The following NECAP2 variants were observed in gnomAD, a reference collection of about 807,000 sequenced individuals.
NECAP2 encodes adaptin ear-binding coat-associated protein 2.
NECAP2 carries 38 observed loss-of-function variants against 37.8 expected under a neutral mutation model. That is an observed-to-expected ratio of 1.01 (90% confidence interval 0.78 to 1.32). The LOEUF (loss-of-function observed/expected upper bound fraction) is 1.32. Among genes scored for constraint, NECAP2 ranks in the 40% most tolerant of loss-of-function variants. The pLI, the probability that NECAP2 is intolerant of heterozygous loss-of-function variation, is 0.00. For synonymous variants in NECAP2, 121 were observed against 127.7 expected (o/e 0.95, Z 0.35); for missense variants, 316 against 334.5 (o/e 0.94, Z 0.43).
intron 7 of NECAP2, among the ~76,000 whole-genome samples, chr1:16,457,707 GTTT>G (rs56863489): frequency 1.9e-5 from 2 of 105,454 alleles, no homozygotes; most frequent in Non-Finnish European, 1.9e-5. Flanking sequence ...TAGTAATTCT[GTTT>G]TTTTTTTTTT....
chr1:16,440,885 C>T lies in NECAP2; in HGVS notation c.92+32C>T, dbSNP rs896687296. 2.5e-6 allele frequency: 4 copies of T among 1,577,152 alleles called. No homozygotes were observed. In the African/African-American group the frequency reaches 5.4e-5, roughly 21 times the overall value. ...ACCCACCGCCAGACCAGGCTAGCTCCAATTTAACCCTTTCTCCGCCACCCG... is the reference window on the plus strand; with the variant it reads ...ACCCACCGCCAGACCAGGCTAGCTCTAATTTAACCCTTTCTCCGCCACCCG... On this transcript the variant is annotated intron_variant, in intron 1 of 7. Transcript: ENST00000337132.
intron 4 of NECAP2, 123 bp from the exon 5 acceptor site, chr1:16,448,970 C>T (rs966554030): frequency 7.7e-5 from 50 of 647,036 alleles, no homozygotes; most frequent in Non-Finnish European, 4.4e-5. Flanking sequence ...GCACTCTTTC[C>T]AGCACCCCGT....
At position 16,440,776 on chromosome 1, in the gene NECAP2, G is replaced by A; in HGVS notation, c.15G>A (p.Gly5=). The A allele has an allele frequency of 6.2e-7, 1 of 1,614,108 alleles. No homozygotes were observed. The highest frequency in any genetic ancestry group is 1.3e-5 in the African/African-American group (1 of 75,064). Residue 5 remains glycine, a synonymous_variant, in exon 1 of 8, where the codon GGG becomes GGA. Coordinates refer to ENST00000337132, the MANE Select transcript of NECAP2 (RefSeq NM_018090.5). The part of the protein sequence containing the change: MEES[G]YESVLCVKPD... ...CAGGCGTCGCGATGGAGGAGAGCGGGTACGAGTCGGTGCTCTGTGTCAAGC... is the reference window on the plus strand; with the variant it reads ...CAGGCGTCGCGATGGAGGAGAGCGGATACGAGTCGGTGCTCTGTGTCAAGC...
chr1:16,453,373 T>C (rs1179182377), intron 6 of NECAP2, among the ~76,000 whole-genome samples: 3 of 152,044 alleles, frequency 2.0e-5, no homozygotes, highest in Admixed American at 2.0e-4. Context: ...CCTCCCAAAG[T>C]GCTAGGACTA....
chr1:16,457,272 A>G lies in NECAP2; in HGVS notation c.743+1379A>G, dbSNP rs536614370. On this transcript the variant is annotated intron_variant, in intron 7 of 7. Transcript: ENST00000337132. ...GGAGTTCAAGACCAGCCTGGCCAACATGGTCAAACCCCATCTCTACTAAAT... is the reference window on the plus strand; with the variant it reads ...GGAGTTCAAGACCAGCCTGGCCAACGTGGTCAAACCCCATCTCTACTAAAT... Among the ~76,000 whole-genome samples the G allele has an allele frequency of 4.6e-5, 7 of 152,216 alleles. No homozygotes were observed. The South Asian group carries it at 8.3e-4, about 18-fold the overall frequency.
chr1:16,454,922 G>A (rs1458873124), intron 6 of NECAP2, among the ~76,000 whole-genome samples: 1 of 152,222 alleles, frequency 6.6e-6, no homozygotes, highest in Non-Finnish European at 1.5e-5. Context: ...CTATGGAGTA[G>A]TTCCTGTTAT....
At chr1:16,449,418 A>G (rs565520457) in intron 5 of NECAP2, 2 of 507,366 alleles carry the variant, frequency 3.9e-6, no homozygotes, top group Admixed American at 3.7e-5. Context: ...TGATAACAAC[A>G]TGGCAGGAAA....
At chr1:16,445,529 T>G (rs1040341254) in intron 2 of NECAP2, among the ~76,000 whole-genome samples, 1 of 151,970 alleles carries the variant, frequency 6.6e-6, no homozygotes, top group African/African-American at 2.4e-5. Context: ...CTTGGTGAGG[T>G]TGGAACACAA....
intron 7 of NECAP2, 131 bp downstream of exon 7, chr1:16,456,024 CTTT>C (rs56097788): frequency 6.8e-3 from 3,214 of 473,080 alleles, no homozygotes; most frequent in Middle Eastern, 9.9e-3. Context: ...GTTTTCTTTT[CTTT>C]TTTTTTTTTT....
chr1:16,443,689 A>G lies in NECAP2; in HGVS notation c.150A>G (p.Ala50=). ...PSWSGRLRIT[A]KGQMAYIKLE... is the part of the protein sequence containing the mutation. ...GGAGTGGCCGGCTGAGGATCACTGC[A>G]AAGGGACAGATGGCCTACATCAAGC... The change falls in exon 2 of 8, where the codon GCA becomes GCG. Residue 50 remains alanine, a synonymous_variant. Coordinates refer to ENST00000337132, the MANE Select transcript of NECAP2 (RefSeq NM_018090.5). 1 of 1,613,094 alleles carries G rather than the reference A, an allele frequency of 6.2e-7. No individual in the cohort carries two copies. Among genetic ancestry groups the G allele is most frequent in the Non-Finnish European group, 8.5e-7 (1 of 1,179,876 alleles).
chr1:16,448,296 T>C (rs2086792660), intron 4 of NECAP2, 155 bp downstream of exon 4: 3 of 728,110 alleles, frequency 4.1e-6, no homozygotes, highest in Non-Finnish European at 7.3e-6. Flanking sequence ...TCTCTGCCAA[T>C]GTTCATCTCT....
chr1:16,443,271 A>G (rs565292954), intron 1 of NECAP2, among the ~76,000 whole-genome samples: 1 of 152,346 alleles, frequency 6.6e-6, no homozygotes, highest in South Asian at 2.1e-4. Context: ...AATAGTTTTT[A>G]CATTTTTTAA....
At chr1:16,447,062 G>GGAAAAAA (rs1557686848) in intron 2 of NECAP2, among the ~76,000 whole-genome samples, 1 of 133,268 alleles carries the variant, frequency 7.5e-6, no homozygotes. Flanking sequence ...TCCATCTCAG[G>GGAAAAAA]AAAAAAAAAA....
At chr1:16,449,251 C>G (rs2086807462) in intron 5 of NECAP2, 50 bp downstream of exon 5, 1 of 1,293,088 alleles carries the variant, frequency 7.7e-7, no homozygotes, top group Non-Finnish European at 1.1e-6. Context: ...TGTGGCCACC[C>G]AGCCCCAGAG....
intron 7 of NECAP2, among the ~76,000 whole-genome samples, chr1:16,458,092 T>G (rs908351797): frequency 1.3e-5 from 2 of 152,218 alleles, no homozygotes; most frequent in African/African-American, 4.8e-5. Context: ...AACATCGTTC[T>G]TGAACAGTTT....
intron 6 of NECAP2, among the ~76,000 whole-genome samples, chr1:16,454,869 C>T (rs1353030418): frequency 2.0e-5 from 3 of 152,174 alleles, no homozygotes; most frequent in African/African-American, 7.2e-5. Flanking sequence ...ATATGCTGGA[C>T]CTGTTCTAAG....
At chr1:16,454,800 A>C (rs1010811034) in intron 6 of NECAP2, among the ~76,000 whole-genome samples, 4 of 152,340 alleles carry the variant, frequency 2.6e-5, no homozygotes, top group Admixed American at 2.6e-4. Flanking sequence ...CAATTTTTGG[A>C]ACATTCTAAG....
intron 7 of NECAP2, among the ~76,000 whole-genome samples, chr1:16,456,403 G>T (rs1441209750): frequency 6.6e-6 from 1 of 152,174 alleles, no homozygotes; most frequent in Non-Finnish European, 1.5e-5. Context: ...TTTCCGTGGA[G>T]GTTTTGCTGC....
At chr1:16,443,906 C>T (rs761726818) in intron 2 of NECAP2, among the ~76,000 whole-genome samples, 174 bp downstream of exon 2, 9 of 152,138 alleles carry the variant, frequency 5.9e-5, no homozygotes, top group African/African-American at 1.7e-4. Flanking sequence ...TAGAAAGTAC[C>T]GTCTCCAGGT....
Sources: gnomAD v4.1 joint callset for allele counts (sites outside exome capture counted in the v4.1 genomes callset) on GRCh38, gnomAD v4.1.1 for gene constraint, MANE v1.5 for transcripts, NCBI Gene and HGNC (gene_info 2026-07-23, HGNC 2026-07-21) for gene names.